The following DAB2IP variants were observed in gnomAD, a reference collection of about 807,000 sequenced individuals.
DAB2IP encodes disabled homolog 2-interacting protein.
DAB2IP carries 28 observed loss-of-function variants against 107.2 expected under a neutral mutation model. The observed-to-expected ratio is 0.26, with a 90% CI of 0.19 to 0.36. DAB2IP has a LOEUF of 0.36. DAB2IP is among the 10% of genes least tolerant of loss of function. The pLI, the probability that DAB2IP is intolerant of heterozygous loss-of-function variation, is 1.00. For missense variants in DAB2IP, 1,400 were observed against 1,644.7 expected (o/e 0.85, Z 2.57); for synonymous variants, 755 against 706.4 (o/e 1.07, Z -1.09).
intron 1 of DAB2IP, among the ~76,000 whole-genome samples, chr9:121,675,073 A>G (rs1833841364): frequency 1.4e-5 from 2 of 146,452 alleles, no homozygotes. Flanking sequence ...TAAGCACTGC[A>G]GGGTGCCTGG....
chr9:121,586,399 G>T (rs751868207), intron 1 of DAB2IP, among the ~76,000 whole-genome samples: 1 of 152,138 alleles, frequency 6.6e-6, no homozygotes, highest in Non-Finnish European at 1.5e-5. Flanking sequence ...ATCCTTTGTG[G>T]TCTAGGATTG....
At chr9:121,627,117 C>T (rs1296357660) in intron 1 of DAB2IP, among the ~76,000 whole-genome samples, 11 of 103,056 alleles carry the variant, frequency 1.1e-4, no homozygotes, top group Non-Finnish European at 2.1e-4. Context: ...TTCACCCCTA[C>T]TCAACACACA....
rs1831066323 is a variant in DAB2IP at position 121,723,656 on chromosome 9, A to T, written c.362+24198A>T. Among the ~76,000 whole-genome samples, 5 of 152,210 alleles carry T rather than the reference A, an allele frequency of 3.3e-5. No individual in the cohort carries two copies. In the South Asian group the frequency reaches 1.0e-3, roughly 32 times the overall value. ...AAGAACTGGATGGGAAAGAACTGACATCTGTGCAATGCAGACACTTGGAGC... is the reference window on the plus strand; with the variant it reads ...AAGAACTGGATGGGAAAGAACTGACTTCTGTGCAATGCAGACACTTGGAGC... On this transcript the variant is annotated intron_variant, in intron 3 of 15. Transcript: ENST00000408936.
chr9:121,743,443 C>G (rs1398585623), intron 3 of DAB2IP, among the ~76,000 whole-genome samples: 1 of 149,068 alleles, frequency 6.7e-6, no homozygotes, highest in African/African-American at 2.5e-5. Context: ...TTTTTTTTTT[C>G]TTTCCTGTTT....
rs1207357151 is a variant in DAB2IP, at chr9:121,571,689, G to T, written c.40+4461G>T. On this transcript the variant is annotated intron_variant, in intron 1 of 16. Coordinates refer to the DAB2IP transcript ENST00000259371. ...CAGAGGCTGAAAGGGTTCAGCCATG[G>T]CATGGTGGGGGATCCGCAGCCACTG... 3.3e-5 allele frequency among the ~76,000 whole-genome samples: 5 copies of T among 152,044 alleles called. No homozygotes were observed. In the East Asian group the frequency reaches 9.6e-4, roughly 29 times the overall value.
chr9:121,676,641 A>ACACACACACACACACACACACT lies in DAB2IP; in HGVS notation c.125-2026_125-2025insACACACACACTCACACACACAC, dbSNP rs1219329345. 5.8e-3 allele frequency among the ~76,000 whole-genome samples: 877 copies of ACACACACACACACACACACACT among 151,766 alleles called. 5 individuals carry two copies. The highest frequency in any genetic ancestry group is 0.018 in the African/African-American group (744 of 41,090). ...TGTTAGGAGTTCTGCAGACGCACAC[A>ACACACACACACACACACACACT]CACACACACACTCACACACACACGC... On this transcript the variant is annotated intron_variant, in intron 1 of 15. Coordinates refer to ENST00000408936, the Ensembl canonical transcript of DAB2IP.
rs1833230304 is a variant in DAB2IP, at chr9:121,662,010, T to G, written c.124+10111T>G. On this transcript the variant is annotated intron_variant, in intron 1 of 15. Coordinates refer to ENST00000408936, the Ensembl canonical transcript of DAB2IP. The surrounding 1 kb of genome is among the most constrained non-coding windows in gnomAD (Gnocchi z 4.6). ...AAAAAAAACAAAAAAACCCAACTCC[T>G]AAGATTACAAAAAGCAGTAAATATC... Among the ~76,000 whole-genome samples, 1 of 151,536 alleles carries G rather than the reference T, an allele frequency of 6.6e-6. No individual in the cohort carries two copies. The highest frequency in any genetic ancestry group is 6.6e-5 in the Admixed American group (1 of 15,230).
chr9:121,656,181 T>C (rs1045584948), intron 1 of DAB2IP, among the ~76,000 whole-genome samples: 1 of 152,146 alleles, frequency 6.6e-6, no homozygotes, highest in Non-Finnish European at 1.5e-5. Context: ...GCTAATTTTG[T>C]ATTTTCAGTA....
chr9:121,772,295 C>T lies in DAB2IP; in HGVS notation c.2079-312C>T, dbSNP rs987539265. On this transcript the variant is annotated intron_variant, in intron 11 of 15. Coordinates refer to ENST00000408936, the Ensembl canonical transcript of DAB2IP. The surrounding 1 kb of genome is among the most constrained non-coding windows in gnomAD (Gnocchi z 4.7). ...TAGGGCTTAGCTAAGGAGGAGTTTT[C>T]CAGAGCAAGCCAGGCCCCAGTACCC... Among the ~76,000 whole-genome samples the T allele has an allele frequency of 6.6e-6, 1 of 152,178 alleles. No homozygotes were observed. Among genetic ancestry groups the T allele is most frequent in the African/African-American group, 2.4e-5 (1 of 41,436 alleles).
chr9:121,581,517 G>A (rs1394971642), intron 1 of DAB2IP, among the ~76,000 whole-genome samples: 1 of 152,210 alleles, frequency 6.6e-6, no homozygotes, highest in Non-Finnish European at 1.5e-5. Context: ...AACTCTGGCT[G>A]GAAAACGTAG....
chr9:121,706,420 C>A (rs1830060511), intron 3 of DAB2IP, among the ~76,000 whole-genome samples: 1 of 152,150 alleles, frequency 6.6e-6, no homozygotes, highest in African/African-American at 2.4e-5. Context: ...ACAGCCAACT[C>A]TCCACCAAGG....
chr9:121,611,081 T>G (rs1831077079), intron 1 of DAB2IP, among the ~76,000 whole-genome samples: 1 of 152,148 alleles, frequency 6.6e-6, no homozygotes, highest in African/African-American at 2.4e-5. Flanking sequence ...GTTCAAGCAA[T>G]TCTCCTGCCT....
Position 121,782,712 on chromosome 9 carries a change from G to T in DAB2IP, c.*214G>T. On this transcript the variant is annotated 3_prime_UTR_variant, in exon 16 of 16. Transcript: ENST00000408936. This position sits in a 1 kb window ranked among gnomAD's most constrained non-coding sequence, Gnocchi z 6.1. ...CGAGGTCACCAGCCGCTCCCTGTGG[G>T]GTGCGGGCAGAAGAGACTGCACGCT... The T allele has an allele frequency of 7.1e-7, 1 of 1,413,848 alleles. No individual in the cohort carries two copies. The highest frequency in any genetic ancestry group is 9.2e-7 in the Non-Finnish European group (1 of 1,086,126). 87.6% of individuals were successfully genotyped at this position (1,413,848 alleles called of 1,614,324 possible). A position where few individuals can be genotyped will look rare whatever the true frequency, so the allele number is the denominator to read the frequency against.
In DAB2IP at chr9:121,782,850, C is replaced by T. The variant is rs969951837; in HGVS notation, c.*352C>T. Reference sequence around the variant, plus strand: ...ATCTGGCCGAGTGCATGTGTCCCCCCACACCTGTGCCAGGGAGGGGGCTTC... The same window carrying T: ...ATCTGGCCGAGTGCATGTGTCCCCCTACACCTGTGCCAGGGAGGGGGCTTC... On this transcript the variant is annotated 3_prime_UTR_variant, in exon 16 of 16. Transcript: ENST00000408936. The surrounding 1 kb of genome is among the most constrained non-coding windows in gnomAD (Gnocchi z 6.1). The T allele has an allele frequency of 4.0e-5, 43 of 1,081,056 alleles. 1 individual carries two copies. In the South Asian group the frequency reaches 1.3e-3, roughly 34 times the overall value. The allele number at this position is 1,081,056 out of a possible 1,614,324, so 67.0% of individuals were successfully genotyped here.
At chr9:121,658,411 G>C (rs1385203552) in intron 1 of DAB2IP, among the ~76,000 whole-genome samples, 1 of 152,234 alleles carries the variant, frequency 6.6e-6, no homozygotes, top group African/African-American at 2.4e-5. Context: ...GCTTGCGCTT[G>C]ACAGTTGCAG....
intron 3 of DAB2IP, among the ~76,000 whole-genome samples, chr9:121,754,002 G>A (rs1833307927): frequency 6.6e-6 from 1 of 152,232 alleles, no homozygotes; most frequent in Admixed American, 6.5e-5. Context: ...CAGGGTAGGG[G>A]AGAAGCCTGC....
chr9:121,627,948 G>C (rs1251870936), intron 1 of DAB2IP, among the ~76,000 whole-genome samples: 1 of 152,166 alleles, frequency 6.6e-6, no homozygotes, highest in African/African-American at 2.4e-5. Context: ...ACCCCTCCGT[G>C]GGGGTTCTGC....
rs1250197165 is a variant in DAB2IP, at chr9:121,698,094, G to C, written c.229-1231G>C. 6.6e-6 allele frequency among the ~76,000 whole-genome samples: 1 copy of C among 152,228 alleles called. No individual in the cohort carries two copies. The highest frequency in any genetic ancestry group is 6.5e-5 in the Admixed American group (1 of 15,288). On this transcript the variant is annotated intron_variant, in intron 2 of 15. Coordinates refer to ENST00000408936, the Ensembl canonical transcript of DAB2IP. The surrounding 1 kb of genome is among the most constrained non-coding windows in gnomAD (Gnocchi z 4.1). The stretch of plus-strand genomic sequence containing the variant: ...ATCCACTGCTCCTCTTGAACACAGA[G>C]AGGGCTGCCAAACTGACCCTTTATT...
intron 3 of DAB2IP, among the ~76,000 whole-genome samples, chr9:121,745,050 G>A (rs1302100466): frequency 1.3e-5 from 2 of 152,338 alleles, no homozygotes; most frequent in East Asian, 3.9e-4. Context: ...GGGCCAGGTG[G>A]CAGATGACAG....
Sources: allele counts gnomAD v4.1 joint callset (sites outside exome capture counted in the v4.1 genomes callset), GRCh38; gene constraint gnomAD v4.1.1; non-coding constraint Gnocchi (gnomAD v3.1); transcripts MANE v1.5; gene names NCBI Gene and HGNC (gene_info 2026-07-23, HGNC 2026-07-21).